CDKN2A: variants seen among roughly 807,000 people sequenced by gnomAD.
CDKN2A encodes the protein cyclin-dependent kinase inhibitor 2A.
A neutral mutation model predicts 11.1 loss-of-function variants in CDKN2A; 3 were observed. The ratio of observed to expected loss-of-function variants is 0.27; its 90% CI spans 0.12 to 0.70. The LOEUF (loss-of-function observed/expected upper bound fraction) is 0.70. Among genes scored for constraint, CDKN2A ranks in the 30% least tolerant of loss-of-function variants. CDKN2A has a pLI of 0.77. For missense variants in CDKN2A, 265 were observed against 233.6 expected (o/e 1.13, Z -0.88); for synonymous variants, 122 against 108.1 (o/e 1.13, Z -0.80).
Position 21,991,930 on chromosome 9 carries a change from C to G in CDKN2A, c.-4+1952G>C. On this transcript the variant is annotated intron_variant, in intron 2 of 3. Coordinates refer to the CDKN2A transcript ENST00000494262. The surrounding 1 kb of genome is among the most constrained non-coding windows in gnomAD (Gnocchi z 5.2). ...CTATTAAAGAAAAAAATAACCTGAG[C>G]CTTCTGAAGTAGCTATAAACAAATG... The G allele has an allele frequency of 6.1e-6, 6 of 984,398 alleles. No homozygotes were observed. Among genetic ancestry groups the G allele is most frequent in the Non-Finnish European group, 6.0e-6 (5 of 829,074 alleles). The allele number at this position is 984,398 out of a possible 1,614,324, so 61.0% of individuals were successfully genotyped here.
chr9:21,968,807 C>T lies in CDKN2A; in HGVS notation c.458-565G>A, dbSNP rs1363886509. On this transcript the variant is annotated intron_variant, in intron 2 of 2. Transcript: ENST00000304494. This position sits in a 1 kb window ranked among gnomAD's most constrained non-coding sequence, Gnocchi z 4.7. ...ATGGATGCTCATTTATTCATGTGCT[C>T]TGGCTTCTGCCTTCCTCTCTAATCT... is the stretch of plus-strand genomic sequence containing the variant. 9 of 1,533,810 alleles carry T rather than the reference C, an allele frequency of 5.9e-6. No individual in the cohort carries two copies. Among genetic ancestry groups the T allele is most frequent in the Non-Finnish European group, 7.9e-6 (9 of 1,144,950 alleles).
chr9:21,968,304 C>T lies in CDKN2A; in HGVS notation c.458-62G>A, dbSNP rs376591107. ...TGAGGTCAAAGATGTGTGGCACATC[C>T]CGCCCTCCTCTCTTGCCGTCCCTAC... is the stretch of plus-strand genomic sequence containing the variant. On this transcript the variant is annotated intron_variant, in intron 2 of 2. Transcript: ENST00000304494. This position sits in a 1 kb window ranked among gnomAD's most constrained non-coding sequence, Gnocchi z 4.7. 475 of 1,585,698 alleles carry T rather than the reference C, an allele frequency of 3.0e-4. No homozygotes were observed. In the African/African-American group the frequency reaches 5.1e-3, roughly 17 times the overall value.
chr9:21,981,023 T>C (rs1366501589), intron 2 of CDKN2A, among the ~76,000 whole-genome samples: 1 of 69,214 alleles, frequency 1.4e-5, no homozygotes, highest in African/African-American at 5.1e-5. Context: ...TATATATACG[T>C]GTATATATAT....
intron 2 of CDKN2A, among the ~76,000 whole-genome samples, chr9:21,983,190 C>T (rs939803593): frequency 2.6e-5 from 4 of 152,094 alleles, no homozygotes; most frequent in African/African-American, 9.6e-5. Context: ...CTGAAAGTCA[C>T]TTAATTCAGT....
chr9:21,982,754 T>C (rs1161407618), intron 2 of CDKN2A, among the ~76,000 whole-genome samples: 2 of 152,004 alleles, frequency 1.3e-5, no homozygotes, highest in Non-Finnish European at 2.9e-5. Flanking sequence ...AAATAATGGC[T>C]ATCATTTTTT....
At chr9:21,972,117 G>A (rs1819793704) in intron 1 of CDKN2A, among the ~76,000 whole-genome samples, 1 of 151,664 alleles carries the variant, frequency 6.6e-6, no homozygotes. Flanking sequence ...TTGTCTTTCT[G>A]TGTTTGGCTT....
chr9:21,987,428 C>CACAT (rs1372250395), intron 2 of CDKN2A, among the ~76,000 whole-genome samples: 12 of 121,244 alleles, frequency 9.9e-5, no homozygotes, highest in Admixed American at 3.2e-4. Context: ...CACACACACA[C>CACAT]ACACAGAGAG....
Position 21,968,025 on chromosome 9 carries a change from A to T in CDKN2A, c.*204T>A, listed in dbSNP as rs1285991779. 4 of 585,218 alleles carry T rather than the reference A, an allele frequency of 6.8e-6. No individual in the cohort carries two copies. The highest frequency in any genetic ancestry group is 1.2e-5 in the Non-Finnish European group (4 of 327,712). The allele number at this position is 585,218 out of a possible 1,614,324, so 36.3% of individuals were successfully genotyped here. On this transcript the variant is annotated 3_prime_UTR_variant, in exon 3 of 3. Coordinates refer to ENST00000304494, the MANE Select transcript of CDKN2A (RefSeq NM_000077.5). This position sits in a 1 kb window ranked among gnomAD's most constrained non-coding sequence, Gnocchi z 4.7. ...TTTTTACATTTTTATAAGAATATAT[A>T]AAAAATGATATAAATGGACATTTAC...
Position 21,968,469 on chromosome 9 carries a change from G to T in CDKN2A, c.458-227C>A. The T allele has an allele frequency of 6.8e-7, 1 of 1,481,048 alleles. No individual in the cohort carries two copies. Among genetic ancestry groups the T allele is most frequent in the East Asian group, 2.5e-5 (1 of 40,516 alleles). 91.7% of individuals were successfully genotyped at this position (1,481,048 alleles called of 1,614,324 possible). ...TGCTCCAGGCGCGCCGACCGCTCAAGCGCTCCAGGTCCACCCGGCGGAGGG... is the reference window on the plus strand; with the variant it reads ...TGCTCCAGGCGCGCCGACCGCTCAATCGCTCCAGGTCCACCCGGCGGAGGG... On this transcript the variant is annotated intron_variant, in intron 2 of 2. Coordinates refer to ENST00000304494, the MANE Select transcript of CDKN2A (RefSeq NM_000077.5). The surrounding 1 kb of genome is among the most constrained non-coding windows in gnomAD (Gnocchi z 4.7).
At chr9:21,985,062 C>T (rs1820270835) in intron 2 of CDKN2A, among the ~76,000 whole-genome samples, 1 of 151,928 alleles carries the variant, frequency 6.6e-6, no homozygotes, top group Admixed American at 6.6e-5. Flanking sequence ...TAAGTAACTG[C>T]TTCCTATTCA....
chr9:21,987,432 C>CACACACACACACAGAGAGAGAG (rs1311413150), intron 2 of CDKN2A, among the ~76,000 whole-genome samples: 2 of 138,196 alleles, frequency 1.4e-5, no homozygotes, highest in African/African-American at 2.7e-5. Flanking sequence ...CACACACACA[C>CACACACACACACAGAGAGAGAG]AGAGAGAGAG....
chr9:21,974,356 C>A lies in CDKN2A; in HGVS notation c.150+322G>T. On this transcript the variant is annotated intron_variant, in intron 1 of 2. Transcript: ENST00000304494. This position sits in a 1 kb window ranked among gnomAD's most constrained non-coding sequence, Gnocchi z 5.2. The stretch of plus-strand genomic sequence containing the variant: ...ACATCTTACATTTCTTTAAGACTCC[C>A]TTTTTATCCCAAACGTTCGTAAATT... 1 of 1,490,818 alleles carries A rather than the reference C, an allele frequency of 6.7e-7. No individual in the cohort carries two copies. The highest frequency in any genetic ancestry group is 9.0e-7 in the Non-Finnish European group (1 of 1,111,254). The allele number at this position is 1,490,818 out of a possible 1,614,324, so 92.3% of individuals were successfully genotyped here.
upstream of CDKN2A, among the ~76,000 whole-genome samples, chr9:21,977,488 C>T (rs1045560395): frequency 1.3e-5 from 2 of 152,168 alleles, no homozygotes; most frequent in Non-Finnish European, 1.5e-5. Context: ...GCCTCAGCCT[C>T]CCGAGTAGCT....
intron 1 of CDKN2A, among the ~76,000 whole-genome samples, chr9:21,973,025 CAAAGAG>C (rs1017369981): frequency 9.9e-5 from 15 of 152,036 alleles, no homozygotes; most frequent in Non-Finnish European, 1.6e-4. Flanking sequence ...TTCAAAGAGA[CAAAGAG>C]AAAGTATAAG....
At chr9:21,992,487 A>T (rs1820450240) in intron 2 of CDKN2A, 1 of 852,784 alleles carries the variant, frequency 1.2e-6, no homozygotes, top group Non-Finnish European at 1.4e-6. Context: ...ATACCTAAAT[A>T]ACAAAAAATG....
At chr9:21,972,039 C>T (rs1320083308) in intron 1 of CDKN2A, among the ~76,000 whole-genome samples, 1 of 151,266 alleles carries the variant, frequency 6.6e-6, no homozygotes, top group Non-Finnish European at 1.5e-5. Flanking sequence ...TAGTAACCAC[C>T]ATTCTACTCT....
At chr9:21,979,346 G>A (rs1267336474), upstream of CDKN2A, among the ~76,000 whole-genome samples, 3 of 152,198 alleles carry the variant, frequency 2.0e-5, no homozygotes, top group Non-Finnish European at 4.4e-5. Context: ...ATAGTTCAAG[G>A]CCCTATGCCA....
chr9:21,969,275 C>T lies in CDKN2A; in HGVS notation c.458-1033G>A, dbSNP rs568936685. 2.0e-5 allele frequency among the ~76,000 whole-genome samples: 3 copies of T among 152,158 alleles called. No individual in the cohort carries two copies. The South Asian group carries it at 6.2e-4, about 32-fold the overall frequency. ...TCGTGGCGTGCACCTGTGGTCCCAG[C>T]TAGTCGGGAGGCTCAGGTGGGAGAA... On this transcript the variant is annotated intron_variant, in intron 2 of 2. Transcript: ENST00000304494.
rs191394143 is a variant in CDKN2A at position 21,974,829 on chromosome 9, C to T, written c.-2G>A. ...GCTGCTCCCCGCCGCCGGCTCCATG[C>T]TGCTCCCCGCCGCCCGCTGCCTGCT... On this transcript the variant is annotated 5_prime_UTR_variant, in exon 1 of 3. Coordinates refer to ENST00000304494, the MANE Select transcript of CDKN2A (RefSeq NM_000077.5). The surrounding 1 kb of genome is among the most constrained non-coding windows in gnomAD (Gnocchi z 5.2). The T allele has an allele frequency of 6.2e-4, 979 of 1,585,938 alleles. 13 individuals carry two copies. In the Admixed American group the frequency reaches 0.016, roughly 26 times the overall value.
Sources: allele counts gnomAD v4.1 joint callset (sites outside exome capture counted in the v4.1 genomes callset), GRCh38; gene constraint gnomAD v4.1.1; non-coding constraint Gnocchi (gnomAD v3.1); transcripts MANE v1.5; gene names NCBI Gene and HGNC (gene_info 2026-07-23, HGNC 2026-07-21).